The following SCOC variants were observed in gnomAD, a reference collection of about 807,000 sequenced individuals.
SCOC encodes short coiled-coil protein, also known as short coiled coil protein.
A neutral mutation model predicts 9.9 loss-of-function variants in SCOC; 7 were observed. The ratio of observed to expected loss-of-function variants is 0.71; its 90% CI spans 0.40 to 1.33. SCOC has a LOEUF of 1.33. Ranked by LOEUF, SCOC falls within the 40% of genes most tolerant of loss-of-function variation. The pLI, the probability that SCOC is intolerant of heterozygous loss-of-function variation, is 0.01. For synonymous variants in SCOC, 19 were observed against 28.2 expected (o/e 0.67, Z 1.03); for missense variants, 66 against 89.7 (o/e 0.74, Z 1.07).
chr4:140,257,570 C>A (rs568796294), intron 1 of SCOC, among the ~76,000 whole-genome samples: 1 of 152,056 alleles, frequency 6.6e-6, no homozygotes, highest in Non-Finnish European at 1.5e-5. Context: ...AAACTGAGGG[C>A]GAGTCATCTG....
At chr4:140,366,585 G>T (rs932002090) in intron 2 of SCOC, 29 of 1,604,658 alleles carry the variant, frequency 1.8e-5, no homozygotes, top group Non-Finnish European at 2.4e-5. Context: ...CAATCTTCTT[G>T]GCCCATCGTG....
At chr4:140,377,908 C>T (rs1469400036) in intron 1 of SCOC, among the ~76,000 whole-genome samples, 3 of 152,180 alleles carry the variant, frequency 2.0e-5, no homozygotes, top group Non-Finnish European at 4.4e-5. Context: ...GAAAGAATAA[C>T]ACTGACAGGT....
At chr4:140,315,557 T>A (rs554965837) in intron 1 of SCOC, among the ~76,000 whole-genome samples, 1 of 152,196 alleles carries the variant, frequency 6.6e-6, no homozygotes, top group Non-Finnish European at 1.5e-5. Context: ...CTTGACAGGA[T>A]ATTTCTGTTC....
chr4:140,364,235 A>T (rs1727690206), intron 2 of SCOC, among the ~76,000 whole-genome samples: 1 of 152,100 alleles, frequency 6.6e-6, no homozygotes, highest in Non-Finnish European at 1.5e-5. Flanking sequence ...TCATTATATG[A>T]CAACTTAGAG....
intron 1 of SCOC, among the ~76,000 whole-genome samples, chr4:140,312,504 C>CT (rs1362084687): frequency 6.6e-6 from 1 of 152,136 alleles, no homozygotes; most frequent in Non-Finnish European, 1.5e-5. Flanking sequence ...TTATAGCTCA[C>CT]TGTAACCTCG....
chr4:140,370,929 C>T (rs958267075), upstream of SCOC, among the ~76,000 whole-genome samples: 22 of 150,018 alleles, frequency 1.5e-4, no homozygotes, highest in African/African-American at 5.4e-4. Context: ...CTCACCCTGT[C>T]GCCCAGGCTG....
chr4:140,286,633 G>A (rs753451350), intron 1 of SCOC, among the ~76,000 whole-genome samples: 12 of 152,244 alleles, frequency 7.9e-5, no homozygotes, highest in Non-Finnish European at 1.8e-4. Context: ...GTGCAGCCGT[G>A]TGCCCGCGCC....
intron 2 of SCOC, chr4:140,366,592 C>T (rs984786155): frequency 9.3e-6 from 15 of 1,605,256 alleles, no homozygotes; most frequent in South Asian, 2.2e-5. Context: ...CTTGGCCCAT[C>T]GTGTGGCTGC....
At chr4:140,317,639 T>C (rs546949459) in intron 1 of SCOC, among the ~76,000 whole-genome samples, 36 of 150,934 alleles carry the variant, frequency 2.4e-4, no homozygotes, top group African/African-American at 8.5e-4. Context: ...CTTTTTTTTT[T>C]TTTTCTACTG....
At chr4:140,272,020 C>T (rs2126403089) in intron 1 of SCOC, among the ~76,000 whole-genome samples, 1 of 151,610 alleles carries the variant, frequency 6.6e-6, no homozygotes, top group Admixed American at 6.6e-5. Flanking sequence ...TTGCAAGCCT[C>T]CCACTTCTGT....
chr4:140,316,034 A>G (rs1317212797), intron 1 of SCOC, among the ~76,000 whole-genome samples: 1 of 152,122 alleles, frequency 6.6e-6, no homozygotes, highest in Non-Finnish European at 1.5e-5. Flanking sequence ...GCTCTAGAAA[A>G]TGTAACATAT....
At chr4:140,306,014 A>G (rs1450013763) in intron 1 of SCOC, among the ~76,000 whole-genome samples, 1 of 152,242 alleles carries the variant, frequency 6.6e-6, no homozygotes, top group Admixed American at 6.5e-5. Flanking sequence ...AAGCTCACTT[A>G]TAACACATCT....
intron 2 of SCOC, chr4:140,362,566 A>G (rs1390302008): frequency 6.6e-6 from 1 of 151,972 alleles, no homozygotes; most frequent in Non-Finnish European, 1.5e-5. Context: ...AAGTGCTGGG[A>G]TTACAGGCGT....
At chr4:140,352,541 TG>T (rs1245042432) in intron 2 of SCOC, among the ~76,000 whole-genome samples, 1 of 152,202 alleles carries the variant, frequency 6.6e-6, no homozygotes, top group Non-Finnish European at 1.5e-5. Flanking sequence ...ACCAGTGTAT[TG>T]CTAGAAATTG....
intron 1 of SCOC, among the ~76,000 whole-genome samples, chr4:140,309,827 G>A (rs1236563278): frequency 2.6e-5 from 4 of 152,028 alleles, no homozygotes; most frequent in Admixed American, 1.3e-4. Flanking sequence ...AAACCCCACA[G>A]CTCATGGCAG....
At chr4:140,301,151 A>C (rs1731799341) in intron 1 of SCOC, among the ~76,000 whole-genome samples, 1 of 152,206 alleles carries the variant, frequency 6.6e-6, no homozygotes, top group African/African-American at 2.4e-5. Flanking sequence ...AGGATTTCAG[A>C]TGGAGGCATG....
At chr4:140,354,045 A>G (rs1252424452) in intron 2 of SCOC, among the ~76,000 whole-genome samples, 1 of 152,236 alleles carries the variant, frequency 6.6e-6, no homozygotes, top group Non-Finnish European at 1.5e-5. Context: ...TTTAAAACAC[A>G]TTCTTCTTTT....
At chr4:140,331,966 G>T (rs184503687) in intron 1 of SCOC, among the ~76,000 whole-genome samples, 166 of 152,162 alleles carry the variant, frequency 1.1e-3, no homozygotes, top group Non-Finnish European at 1.9e-3. Context: ...TTTACTCATG[G>T]TGGAAGGCAA....
At chr4:140,346,097 C>T (rs1017641353) in intron 2 of SCOC, among the ~76,000 whole-genome samples, 11 of 152,134 alleles carry the variant, frequency 7.2e-5, no homozygotes, top group Admixed American at 1.3e-4. Flanking sequence ...CCTATGGTTG[C>T]GGGCATTCCA....
Sources: allele counts gnomAD v4.1 joint callset (sites outside exome capture counted in the v4.1 genomes callset), GRCh38; gene constraint gnomAD v4.1.1; transcripts MANE v1.5; gene names NCBI Gene and HGNC (gene_info 2026-07-23, HGNC 2026-07-21).